The following DMRT2 variants were observed in gnomAD, a reference collection of about 807,000 sequenced individuals.
DMRT2 encodes the protein doublesex- and mab-3-related transcription factor 2.
In DMRT2, 33 loss-of-function variants were observed where a neutral mutation model predicts 43.5. The observed-to-expected ratio is 0.76, with a 90% CI of 0.58 to 1.01. DMRT2 has a LOEUF of 1.01. DMRT2 is among the 50% of genes least tolerant of loss of function. The pLI, the probability that DMRT2 is intolerant of heterozygous loss-of-function variation, is 0.00. For missense variants in DMRT2, 1,064 were observed against 748.0 expected (o/e 1.42, Z -4.93); for synonymous variants, 395 against 309.2 (o/e 1.28, Z -2.91).
chr9:1,055,675 C>A, intron 3 of DMRT2: 2 of 1,424,430 alleles, frequency 1.4e-6, no homozygotes, highest in South Asian at 1.6e-5. Context: ...TTTTCTTTTT[C>A]TACTCGCTAA....
rs550378901 is a variant in DMRT2 at position 1,051,505 on chromosome 9, C to G, written c.-44-65C>G. 3.5e-5 allele frequency: 49 copies of G among 1,403,910 alleles called. No homozygotes were observed. Among genetic ancestry groups the G allele is most frequent in the African/African-American group, 1.2e-4 (8 of 65,612 alleles). The allele number at this position is 1,403,910 out of a possible 1,614,324, so 87.0% of individuals were successfully genotyped here. ...GGCGGGCAGACCAGGAGCTTTGGGC[C>G]GGAGGCTCAGGGATGGTCCCTGACG... On this transcript the variant is annotated intron_variant, in intron 1 of 3. Coordinates refer to ENST00000358146, the MANE Select transcript of DMRT2 (RefSeq NM_181872.6). The surrounding 1 kb of genome is among the most constrained non-coding windows in gnomAD (Gnocchi z 5.9).
intron 3 of DMRT2, among the ~76,000 whole-genome samples, chr9:1,055,397 C>G (rs967642078): frequency 6.6e-6 from 1 of 152,144 alleles, no homozygotes; most frequent in Non-Finnish European, 1.5e-5. Flanking sequence ...CGTGCGATGA[C>G]TTAGCCTGTG....
Position 1,056,744 on chromosome 9 carries a change from G to C in DMRT2, c.1157G>C (p.Gly386Ala). The C allele has an allele frequency of 1.9e-6, 3 of 1,614,122 alleles. No homozygotes were observed. The highest frequency in any genetic ancestry group is 1.7e-6 in the Non-Finnish European group (2 of 1,180,024). ...TTGAAGGGAGCACGAGTCCAGGATG[G>C]ACTCAGTGCAGAGCAGGACATGATG... is the stretch of plus-strand genomic sequence containing the variant. Reference protein sequence around the residue: ...WDLKGARVQDGLSAEQDMMPS... With the variant: ...WDLKGARVQDALSAEQDMMPS... Residue 386 changes from glycine (G) to alanine (A), a missense_variant, in exon 4 of 4, where the codon GGA becomes GCA. Physicochemically the swap from Gly to Ala is moderately conservative, Grantham distance 60. Coordinates refer to ENST00000358146, the MANE Select transcript of DMRT2 (RefSeq NM_181872.6).
Position 1,051,473 on chromosome 9 carries a change from G to A in DMRT2, c.-44-97G>A. ...GTAATGAGAACAGGATGACTCAAGC[G>A]GCCGGAGGCGGGCAGACCAGGAGCT... On this transcript the variant is annotated intron_variant, in intron 1 of 3. Coordinates refer to ENST00000358146, the MANE Select transcript of DMRT2 (RefSeq NM_181872.6). This position sits in a 1 kb window ranked among gnomAD's most constrained non-coding sequence, Gnocchi z 5.9. The A allele has an allele frequency of 7.3e-7, 1 of 1,363,052 alleles. No homozygotes were observed. The highest frequency in any genetic ancestry group is 3.0e-5 in the East Asian group (1 of 33,332). 84.4% of individuals were successfully genotyped at this position (1,363,052 alleles called of 1,614,324 possible). A position where few individuals can be genotyped will look rare whatever the true frequency, so the allele number is the denominator to read the frequency against.
intron 2 of DMRT2, chr9:1,053,071 G>A (rs1264313616): frequency 6.6e-6 from 1 of 152,302 alleles, no homozygotes; most frequent in East Asian, 1.9e-4. Context: ...GTCATCGCCT[G>A]CCCTGCGTTC....
Position 1,056,908 on chromosome 9 carries a change from G to A in DMRT2, c.1321G>A (p.Asp441Asn). The A allele has an allele frequency of 5.6e-6, 9 of 1,614,112 alleles. No homozygotes were observed. The highest frequency in any genetic ancestry group is 6.8e-6 in the Non-Finnish European group (8 of 1,180,030). ...CCGACGGAATTTCTCTCCCATTGTT[G>A]ACACGGACTCCCTGGCAGCTCAAGG... The part of the protein sequence containing the change: ...PPRRNFSPIV[D>N]TDSLAAQGHV... Residue 441 changes from aspartate (D) to asparagine (N), a missense_variant, in exon 4 of 4, where the codon GAC becomes AAC. Physicochemically the swap from Asp to Asn is conservative, Grantham distance 23. Transcript: ENST00000358146.
At chr9:1,052,601 G>T (rs1821677894) in intron 2 of DMRT2, among the ~76,000 whole-genome samples, 1 of 151,946 alleles carries the variant, frequency 6.6e-6, no homozygotes, top group East Asian at 1.9e-4. Context: ...TCACCTGGAC[G>T]TTTGAGATAT....
chr9:1,056,014 G>T, intron 3 of DMRT2: 1 of 1,413,694 alleles, frequency 7.1e-7, no homozygotes. Context: ...ACAAGAAGAA[G>T]TTGCAGTATG....
At position 1,053,781 on chromosome 9, in the gene DMRT2, G is replaced by T; in HGVS notation, c.585G>T (p.Arg195Ser). Residue 195 changes from arginine to serine, a missense_variant, in exon 3 of 4, where the codon AGG becomes AGT. Arg to Ser is a moderately radical substitution (Grantham distance 110). Transcript: ENST00000358146. ...TCGAGCGCAAAGCTGTGTACCAGAGGCAAGTCAGAGCCCCCAGTTTGCTGG... is the reference window on the plus strand; with the variant it reads ...TCGAGCGCAAAGCTGTGTACCAGAGTCAAGTCAGAGCCCCCAGTTTGCTGG... ...NNFERKAVYQRQVRAPSLLAK... is the reference protein window; with the variant it reads ...NNFERKAVYQSQVRAPSLLAK... The T allele has an allele frequency of 1.2e-6, 2 of 1,614,112 alleles. No homozygotes were observed. Among genetic ancestry groups the T allele is most frequent in the Non-Finnish European group, 1.7e-6 (2 of 1,180,012 alleles).
At position 1,057,395 on chromosome 9, in the gene DMRT2, G is replaced by A; in HGVS notation, c.*122G>A. 1.7e-6 allele frequency: 2 copies of A among 1,160,130 alleles called. No homozygotes were observed. The highest frequency in any genetic ancestry group is 1.8e-5 in the South Asian group (1 of 55,774). The allele number at this position is 1,160,130 out of a possible 1,614,324, so 71.9% of individuals were successfully genotyped here. A position where few individuals can be genotyped will look rare whatever the true frequency, so the allele number is the denominator to read the frequency against. ...TTTCTAATGTAAAGATGATGATTTT[G>A]AAAAATTTTATATATTCCTAATATG... On this transcript the variant is annotated 3_prime_UTR_variant, in exon 4 of 4. Coordinates refer to ENST00000358146, the MANE Select transcript of DMRT2 (RefSeq NM_181872.6).
Position 1,057,352 on chromosome 9 carries a change from G to C in DMRT2, c.*79G>C. ...ATTTGCTACTTTTTTTAAAAGTTAAGATGTTTGTGTAAAGAAATTTCTAAT... is the reference window on the plus strand; with the variant it reads ...ATTTGCTACTTTTTTTAAAAGTTAACATGTTTGTGTAAAGAAATTTCTAAT... On this transcript the variant is annotated 3_prime_UTR_variant, in exon 4 of 4. Transcript: ENST00000358146. 1 of 1,447,666 alleles carries C rather than the reference G, an allele frequency of 6.9e-7. No individual in the cohort carries two copies. The highest frequency in any genetic ancestry group is 9.2e-7 in the Non-Finnish European group (1 of 1,088,052). The allele number at this position is 1,447,666 out of a possible 1,614,324, so 89.7% of individuals were successfully genotyped here. A position where few individuals can be genotyped will look rare whatever the true frequency, so the allele number is the denominator to read the frequency against.
intron 2 of DMRT2, among the ~76,000 whole-genome samples, chr9:1,052,592 C>G (rs899816124): frequency 6.6e-6 from 1 of 151,984 alleles, no homozygotes; most frequent in Non-Finnish European, 1.5e-5. Flanking sequence ...CTTCAGCTGT[C>G]ACCTGGACGT....
rs746033739 is a variant in DMRT2 at position 1,056,518 on chromosome 9, A to C, written c.931A>C (p.Met311Leu). ...NFLPTCLDLT[M>L]QYSGSGNMEL... ...TTTGCCCACCTGCCTTGATTTAACCATGCAGTATTCAGGGTCTGGGAATAT... is the reference window on the plus strand; with the variant it reads ...TTTGCCCACCTGCCTTGATTTAACCCTGCAGTATTCAGGGTCTGGGAATAT... The change falls in exon 4 of 4, where the codon ATG becomes CTG. Residue 311 changes from methionine (M) to leucine (L), a missense_variant. Coordinates refer to ENST00000358146, the MANE Select transcript of DMRT2 (RefSeq NM_181872.6). 3 of 1,614,196 alleles carry C rather than the reference A, an allele frequency of 1.9e-6. No homozygotes were observed. Among genetic ancestry groups the C allele is most frequent in the Non-Finnish European group, 1.7e-6 (2 of 1,180,034 alleles).
chr9:1,056,803 C>T lies in DMRT2; in HGVS notation c.1216C>T (p.His406Tyr). Residue 406 changes from histidine to tyrosine, a missense_variant, in exon 4 of 4, where the codon CAC becomes TAC. Physicochemically the swap from His to Tyr is moderately conservative, Grantham distance 83. Transcript: ENST00000358146. The part of the protein sequence containing the change: ...SKLEGSLVLP[H>Y]TPEIQTTRSD... ...ATTGGAAGGTTCCCTGGTGCTGCCT[C>T]ACACTCCTGAGATCCAGACCACGAG... 3 of 1,614,178 alleles carry T rather than the reference C, an allele frequency of 1.9e-6. No individual in the cohort carries two copies. Among genetic ancestry groups the T allele is most frequent in the Non-Finnish European group, 1.7e-6 (2 of 1,180,048 alleles).
At position 1,056,309 on chromosome 9, in the gene DMRT2, C is replaced by T; in HGVS notation, c.722C>T (p.Ala241Val). Residue 241 changes from alanine to valine, a missense_variant, in exon 4 of 4, where the codon GCT (alanine) becomes GTT (valine). Physicochemically the swap from Ala to Val is moderately conservative, Grantham distance 64 (BLOSUM62 0). Coordinates refer to ENST00000358146, the MANE Select transcript of DMRT2 (RefSeq NM_181872.6). ...AGGATGAGGAAAAGAAGAGCCTTTGCTGATAAAGAGTTGGAGAACATTATG... is the reference window on the plus strand; with the variant it reads ...AGGATGAGGAAAAGAAGAGCCTTTGTTGATAAAGAGTTGGAGAACATTATG... Reference protein sequence around the residue: ...SDRMRKRRAFADKELENIMLE... With the variant: ...SDRMRKRRAFVDKELENIMLE... 1 of 1,614,162 alleles carries T rather than the reference C, an allele frequency of 6.2e-7. No individual in the cohort carries two copies. The highest frequency in any genetic ancestry group is 8.5e-7 in the Non-Finnish European group (1 of 1,180,030).
At chr9:1,054,234 G>A (rs979297363) in intron 3 of DMRT2, among the ~76,000 whole-genome samples, 7 of 152,118 alleles carry the variant, frequency 4.6e-5, no homozygotes, top group Admixed American at 3.3e-4. Context: ...CAGATGTCTT[G>A]GAAGGAAATA....
At chr9:1,053,101 T>TATG (rs1563721710) in intron 2 of DMRT2, 1 of 152,190 alleles carries the variant, frequency 6.6e-6, no homozygotes, top group Non-Finnish European at 1.5e-5. Context: ...CTCTGTAGCA[T>TATG]ATGCTGGGTA....
Position 1,057,369 on chromosome 9 carries a change from A to G in DMRT2, c.*96A>G, listed in dbSNP as rs963067437. 23 of 1,382,678 alleles carry G rather than the reference A, an allele frequency of 1.7e-5. No homozygotes were observed. The Middle Eastern group carries it at 6.0e-4, about 36-fold the overall frequency. The allele number at this position is 1,382,678 out of a possible 1,614,324, so 85.7% of individuals were successfully genotyped here. On this transcript the variant is annotated 3_prime_UTR_variant, in exon 4 of 4. Transcript: ENST00000358146. ...AAAGTTAAGATGTTTGTGTAAAGAAATTTCTAATGTAAAGATGATGATTTT... is the reference window on the plus strand; with the variant it reads ...AAAGTTAAGATGTTTGTGTAAAGAAGTTTCTAATGTAAAGATGATGATTTT...
Position 1,057,030 on chromosome 9 carries a change from C to T in DMRT2, c.1443C>T (p.Asp481=). 6.2e-7 allele frequency: 1 copy of T among 1,614,220 alleles called. No individual in the cohort carries two copies. The highest frequency in any genetic ancestry group is 8.5e-7 in the Non-Finnish European group (1 of 1,180,042). ...FHSLFQQTLT[D]KSGPELKTPF... is the part of the protein sequence containing the mutation. ...CATTATTCCAGCAAACACTTACTGA[C>T]AAATCGGGTCCTGAGTTGAAAACAC... is the stretch of plus-strand genomic sequence containing the variant. Residue 481 remains aspartate, a synonymous_variant, in exon 4 of 4, where the codon GAC becomes GAT. Transcript: ENST00000358146.
Sources: gnomAD v4.1 joint callset for allele counts (sites outside exome capture counted in the v4.1 genomes callset) on GRCh38, gnomAD v4.1.1 for gene constraint, Gnocchi (gnomAD v3.1) non-coding constraint, MANE v1.5 for transcripts, NCBI Gene and HGNC (gene_info 2026-07-23, HGNC 2026-07-21) for gene names.